Variants in TTLL4 observed in about 807,000 individuals in gnomAD.
The protein encoded by TTLL4 is tubulin monoglutamylase TTLL4.
A neutral mutation model predicts 122.7 loss-of-function variants in TTLL4; 85 were observed. The ratio of observed to expected loss-of-function variants is 0.69; its 90% confidence interval spans 0.58 to 0.83. The LOEUF (loss-of-function observed/expected upper bound fraction) is 0.83, where lower values mean the gene tolerates loss of function less well. TTLL4 is among the 40% of genes least tolerant of loss of function. The probability of loss-of-function intolerance (pLI) is 0.00; values close to 1 mark genes in which losing one functional copy is unlikely to be tolerated. For missense variants in TTLL4, 1,363 were observed against 1,488.6 expected (o/e 0.92, Z 1.39); for synonymous variants, 553 against 563.0 (o/e 0.98, Z 0.25).
At chr2:218,711,709 A>G (rs1406210148) in intron 1 of TTLL4, among the ~76,000 whole-genome samples, 2 of 151,920 alleles carry the variant, frequency 1.3e-5, no homozygotes, top group African/African-American at 2.4e-5. Flanking sequence ...AGCATTTGCC[A>G]TACTGTGGTG....
chr2:218,741,032 T>G lies in TTLL4; in HGVS notation c.1661+448T>G, dbSNP rs534886299. Among the ~76,000 whole-genome samples, 113 of 152,046 alleles carry G rather than the reference T, an allele frequency of 7.4e-4. 2 individuals are homozygous for G. The highest frequency in any genetic ancestry group is 9.3e-4 in the Non-Finnish European group (63 of 68,002). ...AGGTTGCAGTGAGCTGAGATCGCGC[T>G]GCTGCACTCCAGCCTGGGTGATGGA... On this transcript the variant is annotated intron_variant, in intron 5 of 19. Coordinates refer to ENST00000392102, the MANE Select transcript of TTLL4 (RefSeq NM_014640.5).
At chr2:218,739,804 C>T (rs1454431746) in intron 3 of TTLL4, among the ~76,000 whole-genome samples, 2 of 152,168 alleles carry the variant, frequency 1.3e-5, no homozygotes, top group African/African-American at 2.4e-5. Context: ...GAATGTTGTA[C>T]TTATATGCTA....
rs1011929206 is a variant in TTLL4, at chr2:218,747,481, G to A, written c.2249+109G>A. 3 of 1,569,320 alleles carry A rather than the reference G, an allele frequency of 1.9e-6. No individual in the cohort carries two copies. Among genetic ancestry groups the A allele is most frequent in the African/African-American group, 1.4e-5 (1 of 73,434 alleles). On this transcript the variant is annotated intron_variant, in intron 10 of 19. Transcript: ENST00000392102. The surrounding 1 kb of genome is among the most constrained non-coding windows in gnomAD (Gnocchi z 4.7). Reference sequence around the variant, plus strand: ...TTCTCCCAGCCAAAGAGCTTCCTTAGCCAACTGTTCTAAGGTCTTTATCTT... The same window carrying A: ...TTCTCCCAGCCAAAGAGCTTCCTTAACCAACTGTTCTAAGGTCTTTATCTT...
At chr2:218,756,285 T>C (rs116501965), downstream of TTLL4, among the ~76,000 whole-genome samples, 218 of 152,204 alleles carry the variant, frequency 1.4e-3, no homozygotes, top group Non-Finnish European at 2.5e-3. Context: ...AACCAATCTA[T>C]TTCCATTGCC....
chr2:218,746,338 GAGA>G lies in TTLL4; in HGVS notation c.1974+110_1974+112del, dbSNP rs1942842366. The G allele has an allele frequency of 9.6e-6, 12 of 1,243,952 alleles. No individual in the cohort carries two copies. The Admixed American group carries it at 2.1e-4, about 22-fold the overall frequency. 77.1% of individuals were successfully genotyped at this position (1,243,952 alleles called of 1,614,324 possible). A position where few individuals can be genotyped will look rare whatever the true frequency, so the allele number is the denominator to read the frequency against. Reference sequence around the variant, plus strand: ...GGGCGGGAAGAGGATGATGACCATGGAGAAGTCAGGAAGGTGTACAGAGGAGAA... The same window carrying G: ...GGGCGGGAAGAGGATGATGACCATGGAGTCAGGAAGGTGTACAGAGGAGAA... On this transcript the variant is annotated intron_variant, in intron 8 of 19. Coordinates refer to ENST00000392102, the MANE Select transcript of TTLL4 (RefSeq NM_014640.5).
chr2:218,722,375 A>G (rs1254956914), intron 1 of TTLL4, among the ~76,000 whole-genome samples: 1 of 151,180 alleles, frequency 6.6e-6, no homozygotes, highest in East Asian at 1.9e-4. Flanking sequence ...TTTTGAGCCA[A>G]GTGTAAGGAA....
At position 218,747,294 on chromosome 2, in the gene TTLL4, C is replaced by T; in HGVS notation, c.2171C>T (p.Ala724Val). The change falls in exon 10 of 20, where the codon GCA becomes GTA. Residue 724 changes from alanine (A) to valine (V), a missense_variant. Around this residue, in one of 3 missense-constraint regions of TTLL4, gnomAD observed 596 missense variants for 655.8 expected, o/e 0.91. Transcript: ENST00000392102. This position sits in a 1 kb window ranked among gnomAD's most constrained non-coding sequence, Gnocchi z 4.7. ...SRQKWIVKPP[A>V]SARGIGIQVI... ...TCATCTCCTTTCTGCTCCTAGCCAG[C>T]ATCAGCTCGAGGCATTGGCATCCAG... 1 of 1,614,206 alleles carries T rather than the reference C, an allele frequency of 6.2e-7. No individual in the cohort carries two copies. The highest frequency in any genetic ancestry group is 8.5e-7 in the Non-Finnish European group (1 of 1,180,046).
chr2:218,712,388 CT>C (rs55690203), intron 1 of TTLL4, among the ~76,000 whole-genome samples: 9,387 of 141,494 alleles, frequency 0.066, 905 homozygotes, highest in African/African-American at 0.22. Flanking sequence ...TCCCAGTGAA[CT>C]TTTTTTTTTT....
chr2:218,733,709 C>T (rs1942440894), intron 2 of TTLL4, among the ~76,000 whole-genome samples: 1 of 152,238 alleles, frequency 6.6e-6, no homozygotes. Context: ...GAGCAGGCCA[C>T]CTGCAGCTTC....
downstream of TTLL4, among the ~76,000 whole-genome samples, chr2:218,759,243 C>A (rs1027306189): frequency 3.3e-5 from 5 of 151,564 alleles, no homozygotes; most frequent in African/African-American, 1.2e-4. Context: ...AACACTCCGT[C>A]TCAATAAATA....
intron 14 of TTLL4, 31 bp from the exon 15 acceptor site, chr2:218,749,978 T>C: frequency 1.2e-6 from 2 of 1,612,194 alleles, no homozygotes; most frequent in Non-Finnish European, 8.5e-7. Flanking sequence ...GGAGTGCTGC[T>C]TTGACCACTC....
downstream of TTLL4, among the ~76,000 whole-genome samples, chr2:218,756,837 G>A (rs1009637975): frequency 1.3e-5 from 2 of 152,182 alleles, no homozygotes; most frequent in African/African-American, 4.8e-5. Flanking sequence ...GGCTTGGGGT[G>A]GAAAGTGGAG....
intron 16 of TTLL4, among the ~76,000 whole-genome samples, chr2:218,752,372 C>T (rs71415857): frequency 0.013 from 1,991 of 152,276 alleles, 22 homozygotes; most frequent in Non-Finnish European, 0.021. Flanking sequence ...CTTTGGGTTT[C>T]TTTCTCTGAG....
chr2:218,746,904 G>C (rs769715306), intron 8 of TTLL4, 99 bp from the exon 9 acceptor site: 1 of 1,336,488 alleles, frequency 7.5e-7, no homozygotes, highest in Non-Finnish European at 1.0e-6. Flanking sequence ...AAAGCTTGGA[G>C]TGCTGCTAAA....
downstream of TTLL4, among the ~76,000 whole-genome samples, chr2:218,755,872 T>G (rs567415943): frequency 1.3e-5 from 2 of 152,212 alleles, no homozygotes; most frequent in South Asian, 4.2e-4. Flanking sequence ...GAGGCCTGAT[T>G]GGGTTCAAGG....
chr2:218,728,066 A>G (rs1054300423), intron 2 of TTLL4: 7 of 132,124 alleles, frequency 5.3e-5, no homozygotes, highest in African/African-American at 2.0e-4. Context: ...TCTTGGCCCC[A>G]GGTTTGTCTT....
intron 2 of TTLL4, among the ~76,000 whole-genome samples, chr2:218,729,748 T>TTAAAA (rs772940886): frequency 2.5e-5 from 2 of 78,724 alleles, no homozygotes; most frequent in Admixed American, 1.3e-4. Flanking sequence ...TCTCTCTTTT[T>TTAAAA]AAAAAAAAAA....
At position 218,750,017 on chromosome 2, in the gene TTLL4, C is replaced by G. The variant is rs1302257992; in HGVS notation, c.2744C>G (p.Ser915Cys). ...TTATCCTTTTTCTGAAGCCTCCACTCCAGCTCTCCACTGGATATCAGCATC... is the reference window on the plus strand; with the variant it reads ...TTATCCTTTTTCTGAAGCCTCCACTGCAGCTCTCCACTGGATATCAGCATC... ...LEVNISPSLH[S>C]SSPLDISIKG... Residue 915 changes from serine (S) to cysteine (C), a missense_variant, in exon 15 of 20, where the codon TCC becomes TGC. By Grantham distance (112) the Ser-to-Cys change is moderately radical (BLOSUM62 -1). Transcript: ENST00000392102. 1.7e-5 allele frequency: 27 copies of G among 1,613,900 alleles called. No homozygotes were observed. The highest frequency in any genetic ancestry group is 2.1e-5 in the Non-Finnish European group (25 of 1,179,972).
chr2:218,711,414 G>A (rs148589286), intron 1 of TTLL4, among the ~76,000 whole-genome samples: 42 of 151,602 alleles, frequency 2.8e-4, no homozygotes, highest in Non-Finnish European at 5.6e-4. Context: ...CTCCAGGGCC[G>A]AATTTAACAT....
Sources: allele counts gnomAD v4.1 joint callset (sites outside exome capture counted in the v4.1 genomes callset), GRCh38; gene constraint gnomAD v4.1.1; regional missense constraint gnomAD v4.1.1; non-coding constraint Gnocchi (gnomAD v3.1); transcripts MANE v1.5; gene names NCBI Gene and HGNC (gene_info 2026-07-23, HGNC 2026-07-21).